Variants in ENO4 observed in about 807,000 individuals in gnomAD.
ENO4 encodes the protein enolase 4.
A neutral mutation model predicts 63.2 loss-of-function variants in ENO4; 53 were observed. That is an observed-to-expected ratio of 0.84 (90% CI 0.67 to 1.05). ENO4 has a LOEUF of 1.05. ENO4 is among the 50% of genes least tolerant of loss of function. The pLI is 0.00. For synonymous variants in ENO4, 266 were observed against 283.8 expected, an observed-to-expected ratio of 0.94 and a Z score of 0.63; for missense variants, 719 against 772.0, an observed-to-expected ratio of 0.93 and a Z score of 0.81.
At chr10:116,895,578 G>C (rs902625174) in intron 10 of ENO4, among the ~76,000 whole-genome samples, 1 of 152,184 alleles carries the variant, frequency 6.6e-6, no homozygotes, top group Non-Finnish European at 1.5e-5. Context: ...CTACCTATGA[G>C]TATGCAGGGT....
Position 116,908,274 on chromosome 10 carries a change from T to C in ENO4, c.1195-3225T>C, listed in dbSNP as rs542346010. Among the ~76,000 whole-genome samples, 63 of 152,276 alleles carry C rather than the reference T, an allele frequency of 4.1e-4. No homozygotes were observed. In the Middle Eastern group the frequency reaches 0.014, roughly 33 times the overall value. On this transcript the variant is annotated intron_variant, in intron 10 of 10. Coordinates refer to the ENO4 transcript ENST00000369207. ...ATTTTTTCCTTAGAAGTATCTCTTT[T>C]TATTTTTCATTTATTGTGTAAATAC... is the stretch of plus-strand genomic sequence containing the variant.
Position 116,881,838 on chromosome 10 carries a change from C to T in ENO4, c.*169C>T, listed in dbSNP as rs1191339865. The T allele has an allele frequency of 7.7e-6, 4 of 516,812 alleles. No individual in the cohort carries two copies. The highest frequency in any genetic ancestry group is 1.2e-5 in the Non-Finnish European group (4 of 324,326). The allele number at this position is 516,812 out of a possible 1,614,324, so 32.0% of individuals were successfully genotyped here. ...GTAAATTACATATATGATGTTTTTGCCTGAAATTCTGTGAACTTCGTTTTG... is the reference window on the plus strand; with the variant it reads ...GTAAATTACATATATGATGTTTTTGTCTGAAATTCTGTGAACTTCGTTTTG... On this transcript the variant is annotated 3_prime_UTR_variant, in exon 14 of 14. Transcript: ENST00000341276.
intron 9 of ENO4, among the ~76,000 whole-genome samples, chr10:116,872,437 T>G (rs1846723370): frequency 6.6e-6 from 1 of 152,092 alleles, no homozygotes; most frequent in Non-Finnish European, 1.5e-5. Context: ...TCCCATGCTA[T>G]TCTCATGATA....
At chr10:116,853,238 C>T (rs1170465774) in intron 1 of ENO4, among the ~76,000 whole-genome samples, 3 of 139,166 alleles carry the variant, frequency 2.2e-5, no homozygotes, top group African/African-American at 5.4e-5. Context: ...GAGCTTGCAG[C>T]GAGCCAAGAT....
rs1846954283 is a variant in ENO4 at position 116,879,886 on chromosome 10, CCGGTT to C, written c.1625_1629del (p.Arg542HisfsTer10). 2 of 1,550,184 alleles carry C rather than the reference CCGGTT, an allele frequency of 1.3e-6. No individual in the cohort carries two copies. The highest frequency in any genetic ancestry group is 1.7e-6 in the Non-Finnish European group (2 of 1,146,916). Reference sequence around the variant, plus strand: ...CCTTTCAGGCTGTTGGGCTTGGTGTCCGGTTCATCAAGTTGGGGGGTCTTTCCCGT... The same window carrying C: ...CCTTTCAGGCTGTTGGGCTTGGTGTCCATCAAGTTGGGGGGTCTTTCCCGT... On this transcript the variant is annotated frameshift_variant, in exon 13 of 14. Coordinates refer to ENST00000341276, the MANE Select transcript of ENO4 (RefSeq NM_001242699.2). LOFTEE classifies it high-confidence loss of function.
At chr10:116,884,059 AT>A (rs1307387283), downstream of ENO4, 2 of 327,062 alleles carry the variant, frequency 6.1e-6, no homozygotes, top group Non-Finnish European at 1.2e-5. Flanking sequence ...ACAAGACTTA[AT>A]TTATCTTTCC....
At chr10:116,860,146 A>G (rs1846371246) in intron 4 of ENO4, among the ~76,000 whole-genome samples, 1 of 152,248 alleles carries the variant, frequency 6.6e-6, no homozygotes, top group Non-Finnish European at 1.5e-5. Context: ...GACCTGAACC[A>G]CATCCGCAGC....
chr10:116,900,744 A>G (rs1403143765), intron 10 of ENO4: 1 of 984,260 alleles, frequency 1.0e-6, no homozygotes, highest in Non-Finnish European at 1.2e-6. Flanking sequence ...AACTGTTCAA[A>G]TGACTCTAGT....
intron 4 of ENO4, 68 bp from the exon 5 acceptor site, chr10:116,860,726 C>T: frequency 1.7e-6 from 2 of 1,165,962 alleles, no homozygotes; most frequent in African/African-American, 1.5e-5. Context: ...TTTCTTTTTC[C>T]TGGGTCTTTC....
At chr10:116,876,289 C>G (rs11197840) in intron 11 of ENO4, 29 bp downstream of exon 11, 1 of 1,481,774 alleles carries the variant, frequency 6.7e-7, no homozygotes. Flanking sequence ...CTGAAAGACT[C>G]GTAATGACTT....
chr10:116,899,708 T>C (rs1337821263), intron 10 of ENO4, among the ~76,000 whole-genome samples: 1 of 152,170 alleles, frequency 6.6e-6, no homozygotes, highest in East Asian at 1.9e-4. Context: ...AAGTGTTAAC[T>C]ACTAGAATGC....
chr10:116,906,191 C>A (rs746853964), intron 10 of ENO4, among the ~76,000 whole-genome samples: 1 of 152,214 alleles, frequency 6.6e-6, no homozygotes, highest in Non-Finnish European at 1.5e-5. Context: ...TGAAGCAGTG[C>A]TTTTATTATT....
At chr10:116,869,120 C>T (rs1159703982) in intron 8 of ENO4, among the ~76,000 whole-genome samples, 1 of 152,184 alleles carries the variant, frequency 6.6e-6, no homozygotes, top group African/African-American at 2.4e-5. Flanking sequence ...TCTGGTCCCC[C>T]AAAGGCACTG....
At chr10:116,905,204 G>A (rs1240103709) in intron 10 of ENO4, among the ~76,000 whole-genome samples, 21 of 126,272 alleles carry the variant, frequency 1.7e-4, no homozygotes, top group African/African-American at 6.3e-4. Flanking sequence ...GCGAGACTCC[G>A]TCTCAAAAAA....
intron 8 of ENO4, among the ~76,000 whole-genome samples, chr10:116,870,398 C>T (rs935800254): frequency 6.6e-6 from 1 of 152,132 alleles, no homozygotes; most frequent in African/African-American, 2.4e-5. Flanking sequence ...TGGCCAACAC[C>T]TGTAATCACA....
intron 3 of ENO4, among the ~76,000 whole-genome samples, chr10:116,858,062 C>T (rs1846316017): frequency 6.6e-6 from 1 of 151,998 alleles, no homozygotes; most frequent in African/African-American, 2.4e-5. Context: ...CTCAAGCTCT[C>T]AGTTACATCT....
intron 10 of ENO4, among the ~76,000 whole-genome samples, chr10:116,899,542 TGTGTGA>T (rs1486483211): frequency 3.2e-5 from 3 of 94,718 alleles, no homozygotes; most frequent in Middle Eastern, 6.0e-3. Flanking sequence ...TGTGTGTGTG[TGTGTGA>T]GAGAGTGCAT....
intron 9 of ENO4, chr10:116,873,856 A>G: frequency 1.0e-6 from 1 of 984,896 alleles, no homozygotes; most frequent in Non-Finnish European, 1.2e-6. Flanking sequence ...TGTGGGAAGA[A>G]CCCTAGAGGG....
chr10:116,878,418 C>G (rs1846896491), intron 11 of ENO4, among the ~76,000 whole-genome samples: 1 of 152,188 alleles, frequency 6.6e-6, no homozygotes, highest in African/African-American at 2.4e-5. Flanking sequence ...GCACTCTTCA[C>G]AGACTGGCAC....
Sources: allele counts gnomAD v4.1 joint callset (sites outside exome capture counted in the v4.1 genomes callset), GRCh38; gene constraint gnomAD v4.1.1; transcripts MANE v1.5; gene names NCBI Gene and HGNC (gene_info 2026-07-23, HGNC 2026-07-21).